ADAMTS6: variants seen among roughly 807,000 people sequenced by gnomAD.
ADAMTS6 encodes the protein A disintegrin and metalloproteinase with thrombospondin motifs 6.
A neutral mutation model predicts 144.3 loss-of-function variants in ADAMTS6; 23 were observed. The ratio of observed to expected loss-of-function variants is 0.16; its 90% CI spans 0.11 to 0.23. The LOEUF is 0.23. ADAMTS6 is among the 10% of genes least tolerant of loss of function. The pLI is 1.00. For synonymous variants in ADAMTS6, 444 were observed against 457.5 expected (o/e 0.97, Z 0.38); for missense variants, 999 against 1,379.6 (o/e 0.72, Z 4.37).
Position 65,345,252 on chromosome 5 carries a change from A to T in ADAMTS6, c.1074-11167T>A, listed in dbSNP as rs548768446. On this transcript the variant is annotated intron_variant, in intron 7 of 24. Coordinates refer to ENST00000381055, the MANE Select transcript of ADAMTS6 (RefSeq NM_197941.4). The stretch of plus-strand genomic sequence containing the variant: ...CTTCCAATTTCCACTCCCTATTTCC[A>T]TTTCCCAATTCACAGAAAACGAAAA... Among the ~76,000 whole-genome samples, 9 of 151,762 alleles carry T rather than the reference A, an allele frequency of 5.9e-5. No individual in the cohort carries two copies. The South Asian group carries it at 1.9e-3, about 32-fold the overall frequency.
intron 7 of ADAMTS6, among the ~76,000 whole-genome samples, chr5:65,334,608 A>G (rs999003870): frequency 6.6e-6 from 1 of 152,186 alleles, no homozygotes; most frequent in African/African-American, 2.4e-5. Context: ...TTTATATTAC[A>G]TATTTCTCCT....
intron 7 of ADAMTS6, among the ~76,000 whole-genome samples, chr5:65,369,460 A>G (rs950915264): frequency 3.3e-5 from 5 of 152,038 alleles, no homozygotes; most frequent in African/African-American, 1.2e-4. Context: ...AAGAAAAACT[A>G]TCTTTTTTTT....
Position 65,473,761 on chromosome 5 carries a change from T to G in ADAMTS6, c.-88A>C, listed in dbSNP as rs10940036. On this transcript the variant is annotated 5_prime_UTR_variant, in exon 2 of 25. Transcript: ENST00000381055. Reference sequence around the variant, plus strand: ...CAAAATCGAAGCATAACAATTTTATTTCTTTAAAACTTCTTGCAAATTAGT... The same window carrying G: ...CAAAATCGAAGCATAACAATTTTATGTCTTTAAAACTTCTTGCAAATTAGT... 16 of 1,050,128 alleles carry G rather than the reference T, an allele frequency of 1.5e-5. No homozygotes were observed. The highest frequency in any genetic ancestry group is 2.2e-5 in the Non-Finnish European group (15 of 691,770). 65.1% of individuals were successfully genotyped at this position (1,050,128 alleles called of 1,614,324 possible). A position where few individuals can be genotyped will look rare whatever the true frequency, so the allele number is the denominator to read the frequency against.
At chr5:65,347,390 A>G (rs60964602) in intron 7 of ADAMTS6, among the ~76,000 whole-genome samples, 7,209 of 152,128 alleles carry the variant, frequency 0.047, 218 homozygotes, top group East Asian at 0.11. Flanking sequence ...GCCAAGAACG[A>G]GTAATGGAGA....
At chr5:65,168,439 C>G (rs1363951856) in intron 24 of ADAMTS6, among the ~76,000 whole-genome samples, 1 of 145,670 alleles carries the variant, frequency 6.9e-6, no homozygotes, top group African/African-American at 2.5e-5. Context: ...GAATCAATAT[C>G]GTGAAAATGG....
chr5:65,401,945 C>G (rs980909618), intron 7 of ADAMTS6, among the ~76,000 whole-genome samples: 4 of 152,126 alleles, frequency 2.6e-5, no homozygotes, highest in Non-Finnish European at 5.9e-5. Context: ...TCGTAACTCT[C>G]AATGATTTCA....
At chr5:65,421,557 C>A (rs1485356850) in intron 7 of ADAMTS6, among the ~76,000 whole-genome samples, 1 of 152,188 alleles carries the variant, frequency 6.6e-6, no homozygotes, top group Admixed American at 6.5e-5. Context: ...ATAAACAAAT[C>A]TGGAAGCATC....
At chr5:65,407,811 C>T (rs937167844) in intron 7 of ADAMTS6, among the ~76,000 whole-genome samples, 6 of 151,910 alleles carry the variant, frequency 3.9e-5, no homozygotes, top group African/African-American at 7.3e-5. Flanking sequence ...ATGTTTATTG[C>T]GGCACTATTC....
At chr5:65,305,342 A>G (rs1209938479) in intron 9 of ADAMTS6, among the ~76,000 whole-genome samples, 2 of 152,222 alleles carry the variant, frequency 1.3e-5, no homozygotes, top group African/African-American at 2.4e-5. Context: ...ATAGGGATTC[A>G]AATATACATA....
intron 24 of ADAMTS6, among the ~76,000 whole-genome samples, chr5:65,155,023 G>A (rs954689251): frequency 6.6e-6 from 1 of 152,072 alleles, no homozygotes; most frequent in African/African-American, 2.4e-5. Context: ...TGGAAGATCC[G>A]GTTCCTACTT....
chr5:65,400,612 T>G (rs957985582), intron 7 of ADAMTS6, among the ~76,000 whole-genome samples: 1 of 152,214 alleles, frequency 6.6e-6, no homozygotes, highest in Non-Finnish European at 1.5e-5. Context: ...TTTAGATAAA[T>G]TCTCGGTCAT....
rs550737799 is a variant in ADAMTS6, at chr5:65,410,983, G to A, written c.1073+40492C>T. On this transcript the variant is annotated intron_variant, in intron 7 of 24. Transcript: ENST00000381055. ...CTCCTGAGTAGCTGGGAGCACAGCC[G>A]CACACCACCACGCTCAGCTAATTTT... 2.6e-4 allele frequency among the ~76,000 whole-genome samples: 39 copies of A among 152,068 alleles called. 1 individual carries two copies. The South Asian group carries it at 3.1e-3, about 12-fold the overall frequency.
chr5:65,424,933 T>C (rs2150205560), intron 7 of ADAMTS6, among the ~76,000 whole-genome samples: 1 of 152,270 alleles, frequency 6.6e-6, no homozygotes, highest in East Asian at 1.9e-4. Context: ...TTCCGCTGTA[T>C]AATTTTTTAC....
At chr5:65,468,538 C>T (rs912971608) in intron 3 of ADAMTS6, among the ~76,000 whole-genome samples, 2 of 151,778 alleles carry the variant, frequency 1.3e-5, no homozygotes, top group African/African-American at 2.4e-5. Context: ...AAATTCCTTA[C>T]GAACTGCCAA....
chr5:65,295,395 A>G (rs536627776), intron 10 of ADAMTS6, among the ~76,000 whole-genome samples: 27 of 152,218 alleles, frequency 1.8e-4, no homozygotes, highest in African/African-American at 6.3e-4. Context: ...TATCAAAATT[A>G]TAATAGCACT....
At chr5:65,321,099 G>C (rs2112882979) in intron 9 of ADAMTS6, among the ~76,000 whole-genome samples, 1 of 152,222 alleles carries the variant, frequency 6.6e-6, no homozygotes. Context: ...TGGTATTTCT[G>C]TCTTTAGATC....
chr5:65,381,529 A>ATTTTTTTTT (rs748143650), intron 7 of ADAMTS6, among the ~76,000 whole-genome samples: 4 of 103,130 alleles, frequency 3.9e-5, no homozygotes, highest in Non-Finnish European at 5.7e-5. Flanking sequence ...TGCCTGGCTA[A>ATTTTTTTTT]TTTTTTTTTT....
intron 7 of ADAMTS6, among the ~76,000 whole-genome samples, chr5:65,430,528 A>T (rs1756914144): frequency 6.6e-6 from 1 of 152,188 alleles, no homozygotes; most frequent in Non-Finnish European, 1.5e-5. Flanking sequence ...GGTCTCACAG[A>T]CAAGACCTAT....
rs115840173 is a variant in ADAMTS6 at position 65,394,384 on chromosome 5, A to G, written c.1073+57091T>C. On this transcript the variant is annotated intron_variant, in intron 7 of 24. Coordinates refer to ENST00000381055, the MANE Select transcript of ADAMTS6 (RefSeq NM_197941.4). ...AACAGTCTAACTACAACTGCATTAGAGACCTAGCCAGAACTGCCCAGCTGA... is the reference window on the plus strand; with the variant it reads ...AACAGTCTAACTACAACTGCATTAGGGACCTAGCCAGAACTGCCCAGCTGA... Among the ~76,000 whole-genome samples, 320 of 152,322 alleles carry G rather than the reference A, an allele frequency of 2.1e-3. 3 individuals are homozygous for G. Among genetic ancestry groups the G allele is most frequent in the African/African-American group, 7.5e-3 (312 of 41,578 alleles).
Sources: gnomAD v4.1 joint callset for allele counts (sites outside exome capture counted in the v4.1 genomes callset) on GRCh38, gnomAD v4.1.1 for gene constraint, MANE v1.5 for transcripts, NCBI Gene and HGNC (gene_info 2026-07-23, HGNC 2026-07-21) for gene names.